Variants in STARD13 observed in about 807,000 individuals in gnomAD.
STARD13 encodes StAR related lipid transfer domain containing 13.
In STARD13, 62 loss-of-function variants were observed where a neutral mutation model predicts 106.4. The observed-to-expected ratio is 0.58, with a 90% confidence interval of 0.48 to 0.72. STARD13 has a LOEUF of 0.72. STARD13 is among the 30% of genes least tolerant of loss of function. STARD13 has a pLI of 0.00. For synonymous variants in STARD13, 565 were observed against 553.0 expected (o/e 1.02, Z -0.31); for missense variants, 1,387 against 1,424.0 (o/e 0.97, Z 0.42).
At chr13:33,321,885 AT>A (rs1319551575) in intron 1 of STARD13, among the ~76,000 whole-genome samples, 3 of 152,198 alleles carry the variant, frequency 2.0e-5, no homozygotes, top group Non-Finnish European at 4.4e-5. Context: ...TTTGCAGAGC[AT>A]TCATGCGTAA....
At chr13:33,383,798 A>T in the STARD13 span, 1 of 150,854 alleles carries the variant, frequency 6.6e-6, no homozygotes, top group Non-Finnish European at 1.5e-5. Context: ...ACGAACACGA[A>T]GCTGCACATT....
intron 7 of STARD13, among the ~76,000 whole-genome samples, chr13:33,123,837 G>A (rs977249423): frequency 2.6e-5 from 4 of 152,200 alleles, no homozygotes; most frequent in Non-Finnish European, 5.9e-5. Context: ...AGGGCCCATC[G>A]CACTGCAGGA....
chr13:33,203,692 G>GA (rs745597617), intron 1 of STARD13, among the ~76,000 whole-genome samples: 12 of 151,646 alleles, frequency 7.9e-5, no homozygotes, highest in East Asian at 3.9e-4. Context: ...TCTACAAAGA[G>GA]AAAAAAAATA....
rs776811504 is a variant in STARD13, at chr13:33,129,966, T to A, written c.711A>T (p.Arg237Ser). The change falls in exon 5 of 14, where the codon AGA (arginine) becomes AGT (serine). Residue 237 changes from arginine (R) to serine (S), a missense_variant. By Grantham distance (110) the Arg-to-Ser change is moderately radical. Coordinates refer to ENST00000336934, the MANE Select transcript of STARD13 (RefSeq NM_178006.4). ...GGTGGAAGGGGTGGTTGAGGACATC[T>A]CTGGGGGGCTGTGGGAGGCTGCTGC... ...LVSSSLPQPP[R>S]DVLNHPFHPK... is the part of the protein sequence containing the mutation. 11 of 1,613,180 alleles carry A rather than the reference T, an allele frequency of 6.8e-6. No homozygotes were observed. The South Asian group carries it at 1.2e-4, about 18-fold the overall frequency.
chr13:33,355,080 T>A (rs2078112573), upstream of STARD13: 1 of 152,198 alleles, frequency 6.6e-6, no homozygotes. Context: ...TTTTGAATAT[T>A]TTTCTCCAAA....
the STARD13 span, among the ~76,000 whole-genome samples, chr13:33,434,813 T>C: frequency 2.6e-5 from 4 of 151,804 alleles, no homozygotes; most frequent in South Asian, 8.3e-4. Flanking sequence ...AGCAGTCTAT[T>C]GGGAGCAAGG....
At chr13:33,192,198 T>C (rs1367369635) in intron 1 of STARD13, among the ~76,000 whole-genome samples, 1 of 152,260 alleles carries the variant, frequency 6.6e-6, no homozygotes, top group Non-Finnish European at 1.5e-5. Flanking sequence ...TTTTGTAGTT[T>C]GGAGATAAAC....
the STARD13 span, among the ~76,000 whole-genome samples, chr13:33,522,069 G>A: frequency 2.6e-4 from 40 of 152,102 alleles, no homozygotes; most frequent in African/African-American, 8.9e-4. Flanking sequence ...AATGTTCCAA[G>A]TAGGAAGTCT....
chr13:33,622,167 A>G, the STARD13 span, among the ~76,000 whole-genome samples: 1 of 152,190 alleles, frequency 6.6e-6, no homozygotes, highest in African/African-American at 2.4e-5. Flanking sequence ...CAATTCCACC[A>G]AATGTTGTCA....
At chr13:33,656,284 A>G in the STARD13 span, among the ~76,000 whole-genome samples, 1 of 152,200 alleles carries the variant, frequency 6.6e-6, no homozygotes, top group Non-Finnish European at 1.5e-5. Flanking sequence ...GAAAGGGAAA[A>G]GCGATAGAAG....
the STARD13 span, among the ~76,000 whole-genome samples, chr13:33,431,241 TG>T: frequency 6.6e-6 from 1 of 152,168 alleles, no homozygotes; most frequent in Non-Finnish European, 1.5e-5. Flanking sequence ...TAAAAAAATG[TG>T]GCAAGTCTGA....
the STARD13 span, among the ~76,000 whole-genome samples, chr13:33,543,174 G>T: frequency 6.6e-6 from 1 of 152,144 alleles, no homozygotes; most frequent in Non-Finnish European, 1.5e-5. Flanking sequence ...TGAGGACTGG[G>T]ACCCTGTATT....
chr13:33,204,291 A>G (rs1887255109), intron 1 of STARD13, among the ~76,000 whole-genome samples: 1 of 152,246 alleles, frequency 6.6e-6, no homozygotes, highest in Admixed American at 6.5e-5. Context: ...ACACAACAAC[A>G]GTATGTTCCA....
At chr13:33,230,933 C>T (rs965770753) in intron 1 of STARD13, among the ~76,000 whole-genome samples, 8 of 152,098 alleles carry the variant, frequency 5.3e-5, no homozygotes, top group East Asian at 1.9e-4. Flanking sequence ...TGCCAAGATA[C>T]GGGCATAGTC....
chr13:33,110,640 A>G (rs1418172511), intron 11 of STARD13, 46 bp downstream of exon 11: 1 of 1,514,554 alleles, frequency 6.6e-7, no homozygotes, highest in Admixed American at 1.7e-5. Context: ...TCTGATTGTT[A>G]GCTGTGGCTT....
At chr13:33,659,542 G>A in the STARD13 span, among the ~76,000 whole-genome samples, 1 of 152,144 alleles carries the variant, frequency 6.6e-6, no homozygotes, top group South Asian at 2.1e-4. Context: ...GGCATTAGAA[G>A]TCGGAGCAGT....
intron 3 of STARD13, among the ~76,000 whole-genome samples, chr13:33,154,147 T>G (rs1015802275): frequency 6.6e-6 from 1 of 152,092 alleles, no homozygotes; most frequent in African/African-American, 2.4e-5. Context: ...TCACAGGCCA[T>G]CCACAGGGAG....
At position 33,291,755 on chromosome 13, in the gene STARD13, G is replaced by A. The variant is rs181108620; in HGVS notation, c.124+58535C>T. ...GAGGCTAGAGGCTATCTGTTGTCTC[G>A]TGCTATTTGTTATATATGATCTAAA... is the stretch of plus-strand genomic sequence containing the variant. On this transcript the variant is annotated intron_variant, in intron 1 of 5. Coordinates refer to the STARD13 transcript ENST00000567873. Among the ~76,000 whole-genome samples the A allele has an allele frequency of 1.2e-3, 184 of 152,184 alleles. 5 individuals carry two copies. In the East Asian group the frequency reaches 0.03, roughly 25 times the overall value.
the STARD13 span, among the ~76,000 whole-genome samples, chr13:33,461,479 G>C: frequency 6.6e-6 from 1 of 152,200 alleles, no homozygotes; most frequent in African/African-American, 2.4e-5. Flanking sequence ...TAGACTCAGA[G>C]AGATAAGGGT....
Sources: gnomAD v4.1 joint callset for allele counts (sites outside exome capture counted in the v4.1 genomes callset) on GRCh38, gnomAD v4.1.1 for gene constraint, MANE v1.5 for transcripts, NCBI Gene and HGNC (gene_info 2026-07-23, HGNC 2026-07-21) for gene names.